The following CNKSR2 variants were observed in gnomAD, a reference collection of about 807,000 sequenced individuals.
The protein encoded by CNKSR2 is CNK homolog protein 2.
Under a neutral mutation model 84.4 loss-of-function variants are expected in CNKSR2, and 14 were observed. That is an observed-to-expected ratio of 0.17 (90% CI 0.11 to 0.26). The LOEUF (loss-of-function observed/expected upper bound fraction) is 0.26, where lower values mean the gene tolerates loss of function less well. Among genes scored for constraint, CNKSR2 ranks in the 10% least tolerant of loss-of-function variants. The pLI is 1.00. For missense variants in CNKSR2, 485 were observed against 771.2 expected, an observed-to-expected ratio of 0.63 and a Z score of 4.40; for synonymous variants, 275 against 277.9, an observed-to-expected ratio of 0.99 and a Z score of 0.10.
intron 20 of CNKSR2, among the ~76,000 whole-genome samples, chrX:21,631,797 A>G (rs886734631): frequency 1.8e-5 from 2 of 112,289 alleles, no homozygotes; most frequent in Admixed American, 9.5e-5. Context: ...CTTTCAAGAT[A>G]TTGCATATAA....
intron 5 of CNKSR2, among the ~76,000 whole-genome samples, chrX:21,489,158 C>T (rs1000430030): frequency 9.0e-6 from 1 of 111,544 alleles, no homozygotes; most frequent in Non-Finnish European, 1.9e-5. Context: ...GTACATCTTA[C>T]ACATATTGAT....
intron 20 of CNKSR2, among the ~76,000 whole-genome samples, chrX:21,611,582 T>TTA (rs1388915453): frequency 1.8e-5 from 2 of 112,229 alleles, no homozygotes; most frequent in Non-Finnish European, 3.8e-5. Context: ...GCACTTCTAG[T>TTA]TAGATAGCTT....
chrX:21,487,755 C>T (rs1371969142), intron 5 of CNKSR2, among the ~76,000 whole-genome samples: 5 of 112,431 alleles, frequency 4.4e-5, no homozygotes, highest in African/African-American at 1.6e-4. Flanking sequence ...TAAGTACTGC[C>T]ATTCTGTCCT....
intron 1 of CNKSR2, among the ~76,000 whole-genome samples, chrX:21,388,048 C>T (rs967270909): frequency 1.8e-5 from 2 of 110,130 alleles, no homozygotes; most frequent in African/African-American, 3.3e-5. Context: ...TACAGGCGCC[C>T]GCCATCACGC....
intron 13 of CNKSR2, among the ~76,000 whole-genome samples, chrX:21,579,978 G>A (rs957783030): frequency 8.9e-6 from 1 of 112,040 alleles, no homozygotes; most frequent in African/African-American, 3.2e-5. Context: ...TACAAGACAA[G>A]TGTAGCACTG....
In CNKSR2 at chrX:21,509,003, G is replaced by A. The variant is rs761676934; in HGVS notation, c.810+7415G>A. On this transcript the variant is annotated intron_variant, in intron 8 of 21. Transcript: ENST00000379510. Reference sequence around the variant, plus strand: ...GGAGAAAAAGTGCTAGCTTCTTGTAGTGTTTGAGTTGCCTCTCTCTCTTGG... The same window carrying A: ...GGAGAAAAAGTGCTAGCTTCTTGTAATGTTTGAGTTGCCTCTCTCTCTTGG... 4.5e-5 allele frequency among the ~76,000 whole-genome samples: 5 copies of A among 112,116 alleles called. No homozygotes were observed. The South Asian group carries it at 1.8e-3, about 41-fold the overall frequency.
In CNKSR2 at chrX:21,421,989, C is replaced by T. The variant is rs957417927; in HGVS notation, c.65-4508C>T. ...TGGACCATCTGGCCCAAAACTTCATCCTCAAGTTTGATGTAGGCCAGGCAT... is the reference window on the plus strand; with the variant it reads ...TGGACCATCTGGCCCAAAACTTCATTCTCAAGTTTGATGTAGGCCAGGCAT... On this transcript the variant is annotated intron_variant, in intron 1 of 21. Coordinates refer to ENST00000379510, the MANE Select transcript of CNKSR2 (RefSeq NM_014927.5). 7 of 111,764 alleles carry T rather than the reference C, an allele frequency of 6.3e-5. No homozygotes were observed. The Admixed American group carries it at 6.6e-4, about 11-fold the overall frequency. The allele number at this position is 111,764 out of a possible 1,213,427, so 9.2% of individuals were successfully genotyped here. A position where few individuals can be genotyped will look rare whatever the true frequency, so the allele number is the denominator to read the frequency against.
chrX:21,582,894 A>G (rs1158309350), intron 13 of CNKSR2, among the ~76,000 whole-genome samples: 1 of 111,554 alleles, frequency 9.0e-6, no homozygotes, highest in Non-Finnish European at 1.9e-5. Flanking sequence ...GGGATCCTGC[A>G]TGAGAGTCAA....
chrX:21,553,006 C>G (rs2092107141), intron 11 of CNKSR2, among the ~76,000 whole-genome samples: 1 of 111,849 alleles, frequency 8.9e-6, no homozygotes, highest in Non-Finnish European at 1.9e-5. Context: ...AGCAACACAT[C>G]ATGTCATACC....
intron 18 of CNKSR2, among the ~76,000 whole-genome samples, chrX:21,605,754 G>A (rs141219460): frequency 0.01 from 1,127 of 112,024 alleles, 23 homozygotes; most frequent in African/African-American, 0.035. Context: ...GGGAATTCGT[G>A]GGTGGAGAGG....
intron 11 of CNKSR2, among the ~76,000 whole-genome samples, chrX:21,549,101 G>A (rs2092058841): frequency 8.9e-6 from 1 of 112,253 alleles, no homozygotes; most frequent in African/African-American, 3.2e-5. Flanking sequence ...GAAATAATGG[G>A]TATTCAAATA....
chrX:21,393,825 C>G (rs960786556), intron 1 of CNKSR2, among the ~76,000 whole-genome samples: 1 of 112,414 alleles, frequency 8.9e-6, no homozygotes, highest in Non-Finnish European at 1.9e-5. Context: ...AATGAAAATG[C>G]CAGATGATGC....
chrX:21,482,123 A>G (rs1479586180), intron 5 of CNKSR2, among the ~76,000 whole-genome samples: 1 of 111,939 alleles, frequency 8.9e-6, no homozygotes, highest in African/African-American at 3.2e-5. Context: ...ATTTCAACTC[A>G]AGAAGAACAA....
chrX:21,564,712 C>A (rs772428615), intron 13 of CNKSR2, among the ~76,000 whole-genome samples: 1 of 110,295 alleles, frequency 9.1e-6, no homozygotes, highest in South Asian at 3.8e-4. Flanking sequence ...AAATCATCTA[C>A]TTATTCTATA....
intron 1 of CNKSR2, among the ~76,000 whole-genome samples, chrX:21,421,557 A>G (rs1353625490): frequency 9.0e-6 from 1 of 111,208 alleles, no homozygotes; most frequent in Non-Finnish European, 1.9e-5. Context: ...GCCTATTGTG[A>G]ATAATGCTTT....
At chrX:21,444,981 A>T (rs1215701902) in intron 4 of CNKSR2, among the ~76,000 whole-genome samples, 1 of 111,651 alleles carries the variant, frequency 9.0e-6, no homozygotes, top group Non-Finnish European at 1.9e-5. Context: ...GATATAAATT[A>T]TGCTGGAGTA....
intron 20 of CNKSR2, among the ~76,000 whole-genome samples, chrX:21,631,823 T>C (rs1363096733): frequency 2.7e-5 from 3 of 112,099 alleles, no homozygotes; most frequent in Non-Finnish European, 5.6e-5. Flanking sequence ...CTTCGTAAAG[T>C]AGAAAGTGAA....
chrX:21,560,821 CA>C (rs763643851), intron 11 of CNKSR2, among the ~76,000 whole-genome samples: 5 of 111,048 alleles, frequency 4.5e-5, no homozygotes, highest in Non-Finnish European at 9.5e-5. Context: ...GATACAGACC[CA>C]GGGGGAAATG....
chrX:21,581,683 A>T (rs1474410384), intron 13 of CNKSR2, among the ~76,000 whole-genome samples: 2 of 112,199 alleles, frequency 1.8e-5, no homozygotes, highest in Non-Finnish European at 3.8e-5. Flanking sequence ...CATGAATCAT[A>T]GCCCATACCT....
Sources: gnomAD v4.1 joint callset for allele counts (sites outside exome capture counted in the v4.1 genomes callset) on GRCh38, gnomAD v4.1.1 for gene constraint, MANE v1.5 for transcripts, NCBI Gene and HGNC (gene_info 2026-07-23, HGNC 2026-07-21) for gene names.